The following ARHGAP24 variants were observed in gnomAD, a reference collection of about 807,000 sequenced individuals.
The protein encoded by ARHGAP24 is Rho GTPase activating protein 24.
Under a neutral mutation model 76.4 loss-of-function variants are expected in ARHGAP24, and 50 were observed. That is an observed-to-expected ratio of 0.65 (90% confidence interval 0.52 to 0.83). The LOEUF is 0.83. Among genes scored for constraint, ARHGAP24 ranks in the 40% least tolerant of loss-of-function variants. ARHGAP24 has a pLI of 0.00. For synonymous variants in ARHGAP24, 345 were observed against 323.3 expected (o/e 1.07, Z -0.72); for missense variants, 930 against 914.2 (o/e 1.02, Z -0.22).
At chr4:85,995,823 T>G (rs1303837499) in intron 9 of ARHGAP24, among the ~76,000 whole-genome samples, 166 bp downstream of exon 9, 1 of 152,186 alleles carries the variant, frequency 6.6e-6, no homozygotes, top group Non-Finnish European at 1.5e-5. Flanking sequence ...GCTTCATCTC[T>G]GTGAGCTTTG....
intron 2 of ARHGAP24, among the ~76,000 whole-genome samples, chr4:85,573,939 T>C (rs1727254463): frequency 6.6e-6 from 1 of 152,234 alleles, no homozygotes; most frequent in Admixed American, 6.5e-5. Context: ...TTCACTTCAA[T>C]GCTTCCAACG....
chr4:85,493,318 A>G (rs536982471), intron 1 of ARHGAP24, among the ~76,000 whole-genome samples: 1 of 152,338 alleles, frequency 6.6e-6, no homozygotes, highest in South Asian at 2.1e-4. Flanking sequence ...GTACTCATTG[A>G]TCATTCTTGC....
intron 8 of ARHGAP24, among the ~76,000 whole-genome samples, chr4:85,978,174 T>G (rs1739447567): frequency 6.6e-6 from 1 of 152,202 alleles, no homozygotes; most frequent in South Asian, 2.1e-4. Flanking sequence ...AGTGTCTCAA[T>G]TATTTTCCAC....
At chr4:85,730,774 C>A (rs1486818504) in intron 3 of ARHGAP24, among the ~76,000 whole-genome samples, 2 of 117,560 alleles carry the variant, frequency 1.7e-5, no homozygotes, top group East Asian at 2.3e-3. Context: ...GTAAGTAAAA[C>A]AAACAAACAA....
At chr4:85,893,760 G>A (rs1445736663) in intron 3 of ARHGAP24, among the ~76,000 whole-genome samples, 1 of 150,982 alleles carries the variant, frequency 6.6e-6, no homozygotes, top group Non-Finnish European at 1.5e-5. Flanking sequence ...TCCTTTGAGG[G>A]TAACCGGACC....
At chr4:85,823,849 T>C (rs113644870) in intron 3 of ARHGAP24, among the ~76,000 whole-genome samples, 16,459 of 143,604 alleles carry the variant, frequency 0.11, 1,078 homozygotes, top group East Asian at 0.28. Flanking sequence ...CTCCCTCCCT[T>C]CCCTCCCCTC....
intron 3 of ARHGAP24, among the ~76,000 whole-genome samples, chr4:85,753,148 C>G (rs1726327503): frequency 1.3e-5 from 2 of 152,110 alleles, no homozygotes; most frequent in Admixed American, 1.3e-4. Flanking sequence ...AAGAATGTGT[C>G]TTTTTGAAGC....
intron 2 of ARHGAP24, among the ~76,000 whole-genome samples, chr4:85,586,131 C>T (rs987317617): frequency 2.0e-5 from 3 of 152,116 alleles, no homozygotes; most frequent in South Asian, 2.1e-4. Flanking sequence ...TTTTTTCCCC[C>T]CTCTCTTTCT....
chr4:85,702,134 A>T (rs1445519604), intron 2 of ARHGAP24, among the ~76,000 whole-genome samples: 2 of 152,132 alleles, frequency 1.3e-5, no homozygotes, highest in African/African-American at 4.8e-5. Flanking sequence ...TATGTATATA[A>T]TATATACACC....
At position 85,977,663 on chromosome 4, in the gene ARHGAP24, AGTGGAAGATCCTTT is replaced by A; in HGVS notation, c.902_915del (p.Val301AspfsTer18). Reference sequence around the variant, plus strand: ...TTGGTCCTAATATCCTGCGCCCCAAAGTGGAAGATCCTTTGACTATCATGGAGGGTAAGTAAATG... The same window carrying A: ...TTGGTCCTAATATCCTGCGCCCCAAAGACTATCATGGAGGGTAAGTAAATG... On this transcript the variant is annotated frameshift_variant, in exon 8 of 10. Transcript: ENST00000395184. LOFTEE classifies it high-confidence loss of function. 6.2e-7 allele frequency: 1 copy of A among 1,613,946 alleles called. No individual in the cohort carries two copies. Among genetic ancestry groups the A allele is most frequent in the Non-Finnish European group, 8.5e-7 (1 of 1,179,850 alleles).
chr4:85,821,257 T>A (rs1729457884), intron 3 of ARHGAP24, among the ~76,000 whole-genome samples: 1 of 152,212 alleles, frequency 6.6e-6, no homozygotes, highest in African/African-American at 2.4e-5. Flanking sequence ...AATAGAAACT[T>A]GTTTTCATAG....
At chr4:85,827,461 C>CGTGTGTGT (rs56379272) in intron 3 of ARHGAP24, among the ~76,000 whole-genome samples, 5,200 of 108,630 alleles carry the variant, frequency 0.048, 247 homozygotes, top group Non-Finnish European at 0.055. Flanking sequence ...GAAGTCTGCC[C>CGTGTGTGT]GTGTGTGTGT....
chr4:85,719,278 A>G (rs1018648532), intron 2 of ARHGAP24, among the ~76,000 whole-genome samples: 1 of 152,206 alleles, frequency 6.6e-6, no homozygotes, highest in Non-Finnish European at 1.5e-5. Context: ...AACGGGATCT[A>G]TAGGCCAGAG....
At chr4:85,888,225 A>ACC (rs757267118) in intron 3 of ARHGAP24, among the ~76,000 whole-genome samples, 1 of 151,830 alleles carries the variant, frequency 6.6e-6, no homozygotes, top group Non-Finnish European at 1.5e-5. Flanking sequence ...ACATGGTGAA[A>ACC]CCCCATTTCT....
rs868576921 is a variant in ARHGAP24, at chr4:85,662,087, G to A, written c.181-59798G>A. ...TCTACTTCTAGATCCCTGAGGAATC[G>A]CCACACTGACTTCCACAAGGGTTGA... On this transcript the variant is annotated intron_variant, in intron 2 of 9. Transcript: ENST00000395184. Among the ~76,000 whole-genome samples, 11 of 152,266 alleles carry A rather than the reference G, an allele frequency of 7.2e-5. 1 individual carries two copies. The highest frequency in any genetic ancestry group is 5.8e-4 in the East Asian group (3 of 5,176).
chr4:85,878,403 C>G (rs960691418), intron 3 of ARHGAP24, among the ~76,000 whole-genome samples: 2 of 152,090 alleles, frequency 1.3e-5, no homozygotes, highest in Non-Finnish European at 2.9e-5. Context: ...TTTGTGTATA[C>G]TATGGAATGT....
intron 6 of ARHGAP24, among the ~76,000 whole-genome samples, chr4:85,973,852 T>G (rs13131642): frequency 1.8e-5 from 2 of 110,560 alleles, no homozygotes; most frequent in Non-Finnish European, 1.9e-5. Context: ...TTTTTTTTTT[T>G]TTTTTTTTGA....
At chr4:85,980,622 A>AT (rs1399755203) in intron 8 of ARHGAP24, among the ~76,000 whole-genome samples, 4 of 152,142 alleles carry the variant, frequency 2.6e-5, no homozygotes, top group Admixed American at 6.5e-5. Context: ...TTCCCTCTCC[A>AT]TTTTAGTCCT....
At chr4:85,697,571 G>A (rs1343643110) in intron 2 of ARHGAP24, among the ~76,000 whole-genome samples, 2 of 152,234 alleles carry the variant, frequency 1.3e-5, no homozygotes, top group Non-Finnish European at 2.9e-5. Context: ...CTGGCAGTAA[G>A]CTCAGCTGTG....
Sources: gnomAD v4.1 joint callset for allele counts (sites outside exome capture counted in the v4.1 genomes callset) on GRCh38, gnomAD v4.1.1 for gene constraint, MANE v1.5 for transcripts, NCBI Gene and HGNC (gene_info 2026-07-23, HGNC 2026-07-21) for gene names.